Variants in EPG5 observed in about 807,000 individuals in gnomAD.
EPG5 encodes ectopic P granules protein 5 homolog.
Under a neutral mutation model 302.7 loss-of-function variants are expected in EPG5, and 159 were observed. That is an observed-to-expected ratio of 0.53 (90% confidence interval 0.46 to 0.60). EPG5 has a LOEUF of 0.60. Ranked by LOEUF, EPG5 falls within the 20% of genes least tolerant of loss-of-function variation. The pLI, the probability that EPG5 is intolerant of heterozygous loss-of-function variation, is 0.00. For missense variants in EPG5, 2,896 were observed against 3,092.4 expected (o/e 0.94, Z 1.51); for synonymous variants, 1,158 against 1,136.8 (o/e 1.02, Z -0.37).
At position 45,954,530 on chromosome 18, in the gene EPG5, T is replaced by C. The variant is rs754272347; in HGVS notation, c.872A>G (p.Tyr291Cys). ...TCGTGAGTAGTTCAAAAGCAACTCA[T>C]AAAATTCATGCCTGTCTTGATGAGC... ...SMAHQDRHEFYELLLNYSRCR... is the reference protein window; with the variant it reads ...SMAHQDRHEFCELLLNYSRCR... The change falls in exon 2 of 44, where the codon TAT becomes TGT. Residue 291 changes from tyrosine (Y) to cysteine (C), a missense_variant. Tyr to Cys is a radical substitution (Grantham distance 194). Transcript: ENST00000282041. 6 of 1,614,232 alleles carry C rather than the reference T, an allele frequency of 3.7e-6. No homozygotes were observed. Among genetic ancestry groups the C allele is most frequent in the Non-Finnish European group, 5.1e-6 (6 of 1,180,036 alleles).
rs768576972 is a variant in EPG5, at chr18:45,880,052, G to A, written c.5667+23C>T. ...GAAATAAAAAGAAATGCACAAACAC[G>A]TCAGAGACCAAAGGCTACACACCTG... On this transcript the variant is annotated intron_variant, in intron 32 of 43. Transcript: ENST00000282041. 17 of 1,525,380 alleles carry A rather than the reference G, an allele frequency of 1.1e-5. No individual in the cohort carries two copies. The South Asian group carries it at 1.4e-4, about 12-fold the overall frequency. The allele number at this position is 1,525,380 out of a possible 1,614,324, so 94.5% of individuals were successfully genotyped here. A position where few individuals can be genotyped will look rare whatever the true frequency, so the allele number is the denominator to read the frequency against.
the EPG5 span, among the ~76,000 whole-genome samples, chr18:45,809,478 T>C: frequency 1.3e-5 from 2 of 152,030 alleles, no homozygotes; most frequent in Non-Finnish European, 2.9e-5. Flanking sequence ...GGCCACAAAA[T>C]GAGCCTCAAT....
At chr18:45,942,703 G>A (rs2050698444) in intron 9 of EPG5, among the ~76,000 whole-genome samples, 1 of 152,180 alleles carries the variant, frequency 6.6e-6, no homozygotes, top group East Asian at 1.9e-4. Flanking sequence ...TCTTTTGGGT[G>A]GGGAAGGAAG....
At chr18:45,911,087 AC>A in intron 22 of EPG5, among the ~76,000 whole-genome samples, 1 of 141,884 alleles carries the variant, frequency 7.0e-6, no homozygotes, top group Non-Finnish European at 1.5e-5. Context: ...ATACACACAC[AC>A]ACACACACAC....
chr18:45,957,800 G>T (rs2051063952), intron 1 of EPG5, among the ~76,000 whole-genome samples: 1 of 152,156 alleles, frequency 6.6e-6, no homozygotes, highest in East Asian at 1.9e-4. Flanking sequence ...GTTTTTCTTG[G>T]AAAATCATAA....
chr18:45,955,541 G>C (rs145007960), intron 1 of EPG5, among the ~76,000 whole-genome samples: 2 of 152,104 alleles, frequency 1.3e-5, no homozygotes, highest in Non-Finnish European at 2.9e-5. Flanking sequence ...AATATTGAGC[G>C]TGTTAAATTT....
intron 10 of EPG5, among the ~76,000 whole-genome samples, chr18:45,935,373 T>A (rs1482854471): frequency 6.6e-6 from 1 of 152,142 alleles, no homozygotes; most frequent in Non-Finnish European, 1.5e-5. Context: ...TGAAACCCCA[T>A]CTTTACTAAA....
chr18:45,910,410 A>G, intron 23 of EPG5, 111 bp downstream of exon 23: 1 of 783,312 alleles, frequency 1.3e-6, no homozygotes, highest in Non-Finnish European at 2.1e-6. Context: ...TCCATATTCA[A>G]TCTAACCGTG....
At chr18:45,859,308 T>C (rs1016362957) in intron 40 of EPG5, among the ~76,000 whole-genome samples, 1 of 152,218 alleles carries the variant, frequency 6.6e-6, no homozygotes. Flanking sequence ...AGTGTTATCC[T>C]AATGGTTCTC....
At chr18:45,966,175 A>G (rs1453466745) in intron 1 of EPG5, among the ~76,000 whole-genome samples, 1 of 151,884 alleles carries the variant, frequency 6.6e-6, no homozygotes, top group Non-Finnish European at 1.5e-5. Flanking sequence ...GATCGAGACC[A>G]TCCTGGCTAA....
At chr18:45,900,404 CA>C (rs375366452) in intron 26 of EPG5, among the ~76,000 whole-genome samples, 76 of 111,938 alleles carry the variant, frequency 6.8e-4, no homozygotes, top group Admixed American at 6.7e-4. Context: ...GACTCTGTCT[CA>C]AAAAAAAAAA....
downstream of EPG5, among the ~76,000 whole-genome samples, chr18:45,844,382 T>G (rs1230984645): frequency 6.6e-6 from 1 of 152,174 alleles, no homozygotes; most frequent in Non-Finnish European, 1.5e-5. Context: ...AACAACTTAT[T>G]GTATATTTTA....
downstream of EPG5, chr18:45,843,498 A>G (rs1455817408): frequency 6.6e-6 from 1 of 152,248 alleles, no homozygotes; most frequent in African/African-American, 2.4e-5. Flanking sequence ...TGCTGATGAG[A>G]AAGTGGAGAA....
chr18:45,837,769 C>G, the EPG5 span: 3 of 1,522,760 alleles, frequency 2.0e-6, no homozygotes, highest in Non-Finnish European at 2.6e-6. Flanking sequence ...CGCGCCGCAA[C>G]GACCTCTCGC....
intron 13 of EPG5, among the ~76,000 whole-genome samples, chr18:45,927,060 T>C (rs1216221737): frequency 6.9e-6 from 1 of 145,726 alleles, no homozygotes; most frequent in Non-Finnish European, 1.5e-5. Flanking sequence ...TGAGACAGAG[T>C]CTCTATCTGT....
chr18:45,837,978 G>A, the EPG5 span: 3 of 1,389,800 alleles, frequency 2.2e-6, no homozygotes, highest in East Asian at 3.0e-5. Context: ...TGGGTGCCAG[G>A]CGCTGTGCTG....
intron 9 of EPG5, among the ~76,000 whole-genome samples, chr18:45,942,152 G>T (rs1158467143): frequency 6.6e-6 from 1 of 152,050 alleles, no homozygotes; most frequent in East Asian, 1.9e-4. Context: ...TTTAACCTGG[G>T]AGGCAGAGGT....
At chr18:45,872,199 T>C (rs2048885504) in intron 35 of EPG5, among the ~76,000 whole-genome samples, 1 of 152,228 alleles carries the variant, frequency 6.6e-6, no homozygotes, top group African/African-American at 2.4e-5. Context: ...CTCACGCTTT[T>C]CTGAGACCTG....
intron 35 of EPG5, among the ~76,000 whole-genome samples, chr18:45,872,581 G>A (rs2048894111): frequency 6.6e-6 from 1 of 152,134 alleles, no homozygotes; most frequent in South Asian, 2.1e-4. Context: ...GCAGGCACCT[G>A]TAATCCCAGC....
Sources: gnomAD v4.1 joint callset for allele counts (sites outside exome capture counted in the v4.1 genomes callset) on GRCh38, gnomAD v4.1.1 for gene constraint, MANE v1.5 for transcripts, NCBI Gene and HGNC (gene_info 2026-07-23, HGNC 2026-07-21) for gene names.